MSRA: variants seen among roughly 807,000 people sequenced by gnomAD.
MSRA encodes the protein methionine sulfoxide reductase A.
In MSRA, 54 loss-of-function variants were observed where a neutral mutation model predicts 31.3. That is an observed-to-expected ratio of 1.73 (90% CI 1.39 to 2.17). MSRA has a LOEUF of 2.17. MSRA is among the 30% of genes most tolerant of loss of function. The probability of loss-of-function intolerance (pLI) is 0.00; values close to 1 mark genes in which losing one functional copy is unlikely to be tolerated. For missense variants in MSRA, 507 were observed against 300.9 expected (o/e 1.69, Z -5.07); for synonymous variants, 169 against 116.5 (o/e 1.45, Z -2.90).
At chr8:10,297,287 A>C (rs1175545306) in intron 3 of MSRA, among the ~76,000 whole-genome samples, 1 of 152,138 alleles carries the variant, frequency 6.6e-6, no homozygotes, top group Admixed American at 6.6e-5. Flanking sequence ...GGGGTAAGGC[A>C]GTGGAGGGAG....
At chr8:10,295,928 C>G (rs563543449) in intron 3 of MSRA, among the ~76,000 whole-genome samples, 1 of 152,308 alleles carries the variant, frequency 6.6e-6, no homozygotes, top group African/African-American at 2.4e-5. Flanking sequence ...CCTGTAGCCC[C>G]TCTTTCGGAG....
At chr8:10,091,690 T>A (rs1444184705) in intron 1 of MSRA, among the ~76,000 whole-genome samples, 13 of 149,096 alleles carry the variant, frequency 8.7e-5, no homozygotes, top group Non-Finnish European at 1.3e-4. Flanking sequence ...CATTGCAACC[T>A]CTGCCTCCCG....
At position 10,381,669 on chromosome 8, in the gene MSRA, C is replaced by G. The variant is rs548814801; in HGVS notation, c.544-46479C>G. Among the ~76,000 whole-genome samples the G allele has an allele frequency of 4.3e-4, 65 of 152,304 alleles. 1 individual carries two copies. Among genetic ancestry groups the G allele is most frequent in the African/African-American group, 1.5e-3 (64 of 41,556 alleles). On this transcript the variant is annotated intron_variant, in intron 5 of 5. Transcript: ENST00000317173. ...TCTTTCAGGAGTTGCTAGACTGACC[C>G]ACAGGATGGAGCACTTTTCCCTACT...
intron 1 of MSRA, among the ~76,000 whole-genome samples, chr8:10,164,688 A>AATTTT (rs1804963324): frequency 1.3e-5 from 2 of 152,154 alleles, no homozygotes; most frequent in South Asian, 4.1e-4. Context: ...GGACTTTAAA[A>AATTTT]AATGTTAGTT....
intron 3 of MSRA, among the ~76,000 whole-genome samples, chr8:10,256,939 GTTTGTT>G (rs1296643131): frequency 6.6e-6 from 1 of 152,168 alleles, no homozygotes; most frequent in Non-Finnish European, 1.5e-5. Flanking sequence ...GAGGTCTGTA[GTTTGTT>G]TATCTTCTAG....
rs745827849 is a variant in MSRA at position 10,245,077 on chromosome 8, CTTTT to C, written c.212-21_212-18del. ...CACTTTGTTTTGAATAATCAGTATC[CTTTT>C]TTTTTCTTTTTTCTTTTTTAAGGAA... On this transcript the variant is annotated intron_variant, in intron 2 of 5. Coordinates refer to ENST00000317173, the MANE Select transcript of MSRA (RefSeq NM_012331.5). 5 of 1,586,594 alleles carry C rather than the reference CTTTT, an allele frequency of 3.2e-6. No individual in the cohort carries two copies. The South Asian group carries it at 5.7e-5, about 18-fold the overall frequency.
chr8:10,365,186 C>T (rs1394089926), intron 5 of MSRA, among the ~76,000 whole-genome samples: 2 of 143,134 alleles, frequency 1.4e-5, no homozygotes, highest in African/African-American at 5.2e-5. Flanking sequence ...AAGAAGCAAA[C>T]TTTCAGCTAA....
At chr8:10,149,507 C>T (rs1249077168) in intron 1 of MSRA, among the ~76,000 whole-genome samples, 3 of 152,174 alleles carry the variant, frequency 2.0e-5, no homozygotes, top group Non-Finnish European at 2.9e-5. Flanking sequence ...GGGAGAAGGT[C>T]GCACCTTATT....
At chr8:10,417,372 G>T (rs942653127) in intron 5 of MSRA, among the ~76,000 whole-genome samples, 2 of 151,260 alleles carry the variant, frequency 1.3e-5, no homozygotes, top group Non-Finnish European at 2.9e-5. Context: ...CTGTTGCTCC[G>T]GGGTCCTCTT....
chr8:10,078,512 A>G (rs531087431), intron 1 of MSRA, among the ~76,000 whole-genome samples: 1 of 152,332 alleles, frequency 6.6e-6, no homozygotes, highest in South Asian at 2.1e-4. Context: ...GGGGTGGGTC[A>G]TCTGACCCTT....
intron 1 of MSRA, among the ~76,000 whole-genome samples, chr8:10,106,547 T>A (rs1024738785): frequency 3.3e-5 from 5 of 152,188 alleles, no homozygotes; most frequent in Admixed American, 3.3e-4. Flanking sequence ...TGCAACTCTG[T>A]GAGAGAGACT....
intron 3 of MSRA, among the ~76,000 whole-genome samples, chr8:10,270,824 T>A (rs1033662361): frequency 1.3e-5 from 2 of 152,246 alleles, no homozygotes; most frequent in East Asian, 1.9e-4. Flanking sequence ...AAGAGAGTTA[T>A]GAAGCCAGGC....
intron 2 of MSRA, among the ~76,000 whole-genome samples, chr8:10,219,672 G>A (rs1014405528): frequency 1.5e-4 from 23 of 151,812 alleles, no homozygotes; most frequent in African/African-American, 5.3e-4. Context: ...TGGGCGTGGC[G>A]GCGGACGCCT....
chr8:10,361,656 G>T (rs1190696194), intron 5 of MSRA, among the ~76,000 whole-genome samples: 3 of 152,196 alleles, frequency 2.0e-5, no homozygotes, highest in Non-Finnish European at 4.4e-5. Flanking sequence ...CTTCTCAGGA[G>T]CTCCTGTCTC....
intron 5 of MSRA, among the ~76,000 whole-genome samples, chr8:10,389,489 C>G (rs776878689): frequency 1.3e-5 from 2 of 152,238 alleles, no homozygotes; most frequent in East Asian, 3.8e-4. Context: ...CATCCAATTA[C>G]AAGTTTCTTG....
chr8:10,167,892 G>A (rs972117432), intron 1 of MSRA, among the ~76,000 whole-genome samples: 2 of 152,142 alleles, frequency 1.3e-5, no homozygotes, highest in African/African-American at 4.8e-5. Context: ...GCCCTAGAAG[G>A]CCCTATACCC....
At chr8:10,237,285 A>C (rs1812026760) in intron 2 of MSRA, among the ~76,000 whole-genome samples, 1 of 152,232 alleles carries the variant, frequency 6.6e-6, no homozygotes, top group Non-Finnish European at 1.5e-5. Context: ...AGTTAAGATG[A>C]TGTTGGGTTA....
intron 2 of MSRA, among the ~76,000 whole-genome samples, chr8:10,213,947 G>A (rs773885467): frequency 6.6e-6 from 1 of 152,124 alleles, no homozygotes; most frequent in Admixed American, 6.5e-5. Context: ...AAACCTTAAT[G>A]TTGATAAATT....
intron 5 of MSRA, among the ~76,000 whole-genome samples, chr8:10,397,093 T>A (rs1430228689): frequency 6.6e-6 from 1 of 152,238 alleles, no homozygotes; most frequent in Non-Finnish European, 1.5e-5. Context: ...TTTGTGCCTT[T>A]GTTTTAGCAA....
Sources: gnomAD v4.1 joint callset for allele counts (sites outside exome capture counted in the v4.1 genomes callset) on GRCh38, gnomAD v4.1.1 for gene constraint, MANE v1.5 for transcripts, NCBI Gene and HGNC (gene_info 2026-07-23, HGNC 2026-07-21) for gene names.